Variants in PTPN21 observed in about 807,000 individuals in gnomAD.
PTPN21 encodes tyrosine-protein phosphatase non-receptor type 21.
Under a neutral mutation model 131.8 loss-of-function variants are expected in PTPN21, and 77 were observed. That is an observed-to-expected ratio of 0.58 (90% CI 0.49 to 0.71). The LOEUF is 0.71. Among genes scored for constraint, PTPN21 ranks in the 30% least tolerant of loss-of-function variants. The probability of loss-of-function intolerance (pLI) is 0.00; values close to 1 mark genes in which losing one functional copy is unlikely to be tolerated. For missense variants in PTPN21, 1,552 were observed against 1,527.1 expected (o/e 1.02, Z -0.27); for synonymous variants, 715 against 621.3 (o/e 1.15, Z -2.24).
chr14:88,550,080 G>A (rs1192893586), intron 2 of PTPN21, among the ~76,000 whole-genome samples, 158 bp downstream of exon 2: 9 of 151,582 alleles, frequency 5.9e-5, no homozygotes, highest in South Asian at 4.2e-4. Context: ...CACTGCGCCC[G>A]GCCTTGTATT....
intron 6 of PTPN21, among the ~76,000 whole-genome samples, chr14:88,503,497 A>AG (rs1281703800): frequency 1.3e-5 from 2 of 152,244 alleles, no homozygotes; most frequent in African/African-American, 4.8e-5. Flanking sequence ...AGTGGTACAA[A>AG]GGTGATACAA....
At chr14:88,516,654 T>G (rs1167322914) in intron 3 of PTPN21, among the ~76,000 whole-genome samples, 1 of 152,064 alleles carries the variant, frequency 6.6e-6, no homozygotes, top group Non-Finnish European at 1.5e-5. Flanking sequence ...TCCTCTGTAC[T>G]CCCTCCCCAA....
At chr14:88,482,333 T>G (rs2077663842) in intron 12 of PTPN21, among the ~76,000 whole-genome samples, 1 of 152,128 alleles carries the variant, frequency 6.6e-6, no homozygotes, top group South Asian at 2.1e-4. Flanking sequence ...AAAAGAATGA[T>G]CCTGCACACA....
At chr14:88,506,485 C>T (rs1004881481) in intron 4 of PTPN21, among the ~76,000 whole-genome samples, 6 of 152,070 alleles carry the variant, frequency 3.9e-5, no homozygotes, top group African/African-American at 1.2e-4. Context: ...GCTATGTTGC[C>T]CAGGCTGGTC....
chr14:88,517,212 C>T lies in PTPN21; in HGVS notation c.230G>A (p.Trp77Ter). 1.2e-6 allele frequency: 2 copies of T among 1,614,070 alleles called. No individual in the cohort carries two copies. Among genetic ancestry groups the T allele is most frequent in the Non-Finnish European group, 1.7e-6 (2 of 1,179,960 alleles). Residue 77 changes from tryptophan (W) to a stop codon, truncating the protein, a stop_gained, in exon 3 of 19, where the codon TGG becomes TAG. Coordinates refer to ENST00000556564, the MANE Select transcript of PTPN21 (RefSeq NM_007039.4). LOFTEE classifies it high-confidence loss of function. ...WYYNKQNQRR[W>*]VDLEKPLKKQ... is the part of the protein sequence containing the mutation. ...CTTCAAAGGTTTTTCCAAATCTACC[C>T]ACCGGCGCTGATTTTGCTTGTTGTA... is the stretch of plus-strand genomic sequence containing the variant.
At chr14:88,472,217 G>T in intron 15 of PTPN21, 27 bp downstream of exon 15, 1 of 1,303,400 alleles carries the variant, frequency 7.7e-7, no homozygotes, top group Non-Finnish European at 1.1e-6. Flanking sequence ...TGCATGTGCT[G>T]TTGATTACTT....
rs559934782 is a variant in PTPN21 at position 88,517,673 on chromosome 14, C to T, written c.181-412G>A. On this transcript the variant is annotated intron_variant, in intron 2 of 18. Coordinates refer to ENST00000556564, the MANE Select transcript of PTPN21 (RefSeq NM_007039.4). ...ATATGTATATATACACATACACACACATATGTATATATACATATGTGTGCG... is the reference window on the plus strand; with the variant it reads ...ATATGTATATATACACATACACACATATATGTATATATACATATGTGTGCG... Among the ~76,000 whole-genome samples the T allele has an allele frequency of 1.4e-3, 13 of 9,040 alleles. No individual in the cohort carries two copies. The East Asian group carries it at 0.019, about 13-fold the overall frequency. 5.9% of individuals were successfully genotyped at this position (9,040 alleles called of 152,430 possible).
chr14:88,500,942 G>T, intron 7 of PTPN21, 71 bp from the exon 8 acceptor site: 1 of 1,108,094 alleles, frequency 9.0e-7, no homozygotes, highest in Non-Finnish European at 1.4e-6. Flanking sequence ...GAGTTCCCTG[G>T]ACTGGTTTCC....
intron 2 of PTPN21, among the ~76,000 whole-genome samples, chr14:88,518,273 T>TATATATATATATACAC (rs763756368): frequency 1.9e-4 from 13 of 68,238 alleles, no homozygotes; most frequent in African/African-American, 8.7e-4. Flanking sequence ...TATATATATA[T>TATATATATATATACAC]ACACACACAC....
chr14:88,500,809 C>T lies in PTPN21; in HGVS notation c.738G>A (p.Lys246=). The T allele has an allele frequency of 6.2e-7, 1 of 1,613,572 alleles. No individual in the cohort carries two copies. The highest frequency in any genetic ancestry group is 8.5e-7 in the Non-Finnish European group (1 of 1,179,502). The change falls in exon 8 of 19, where the codon AAG becomes AAA. Residue 246 remains lysine, a synonymous_variant. Transcript: ENST00000556564. ...TAAATACCACAGGATGCCTTCCATTCTTGTGTTTCACAAAGATACCTTCAA... is the reference window on the plus strand; with the variant it reads ...TAAATACCACAGGATGCCTTCCATTTTTGTGTTTCACAAAGATACCTTCAA... The part of the protein sequence containing the change: ...ACLEGIFVKH[K]NGRHPVVFRW...
At position 88,469,182 on chromosome 14, in the gene PTPN21, G is replaced by C. The variant is rs1171661839; in HGVS notation, c.3236-106C>G. ...ACTGATTAAGAGGACTGCAGATAAA[G>C]AGCACTGGGTGCCAGTGAACCAAAC... On this transcript the variant is annotated intron_variant, in intron 17 of 18. Coordinates refer to ENST00000556564, the MANE Select transcript of PTPN21 (RefSeq NM_007039.4). This position sits in a 1 kb window ranked among gnomAD's most constrained non-coding sequence, Gnocchi z 4.3. 3 of 1,293,252 alleles carry C rather than the reference G, an allele frequency of 2.3e-6. No homozygotes were observed. The highest frequency in any genetic ancestry group is 3.2e-6 in the Non-Finnish European group (3 of 947,728). 80.1% of individuals were successfully genotyped at this position (1,293,252 alleles called of 1,614,324 possible).
chr14:88,517,222 G>C lies in PTPN21; in HGVS notation c.220C>G (p.Gln74Glu), dbSNP rs149513854. 6.2e-5 allele frequency: 100 copies of C among 1,614,006 alleles called. No homozygotes were observed. The highest frequency in any genetic ancestry group is 8.1e-5 in the Non-Finnish European group (96 of 1,179,994). The change falls in exon 3 of 19, where the codon CAG becomes GAG. Residue 74 changes from glutamine (Q) to glutamate (E), a missense_variant. Physicochemically the swap from Gln to Glu is conservative, Grantham distance 29 (BLOSUM62 2). Around this residue, in one of 4 missense-constraint regions of PTPN21, gnomAD observed 206 missense variants for 221.6 expected, o/e 0.93. Transcript: ENST00000556564. ...FSLWYYNKQNQRRWVDLEKPL... is the reference protein window; with the variant it reads ...FSLWYYNKQNERRWVDLEKPL... ...TTTTCCAAATCTACCCACCGGCGCT[G>C]ATTTTGCTTGTTGTAGTACCAGAGG...
In PTPN21 at chr14:88,467,840, T is replaced by TTG. The variant is rs1311096856; in HGVS notation, c.*295_*296dup. 6.4e-6 allele frequency: 2 copies of TTG among 312,542 alleles called. No individual in the cohort carries two copies. Among genetic ancestry groups the TTG allele is most frequent in the African/African-American group, 4.5e-5 (2 of 44,916 alleles). The allele number at this position is 312,542 out of a possible 1,614,324, so 19.4% of individuals were successfully genotyped here. A position where few individuals can be genotyped will look rare whatever the true frequency, so the allele number is the denominator to read the frequency against. The stretch of plus-strand genomic sequence containing the variant: ...AGCATAGCTTCAGTAAAATAGAGAA[T>TTG]TGTCTAGAAAATACAATCTCCAAAA... On this transcript the variant is annotated 3_prime_UTR_variant, in exon 19 of 19. Transcript: ENST00000556564.
At chr14:88,547,457 G>A (rs1595422702) in intron 2 of PTPN21, 2 of 261,590 alleles carry the variant, frequency 7.6e-6, no homozygotes, top group East Asian at 2.4e-4. Flanking sequence ...AGACCAGCCT[G>A]GGCGACATAG....
Position 88,467,896 on chromosome 14 carries a change from G to C in PTPN21, c.*241C>G. ...GCAAGTACTGCAAACCGGACAGACC[G>C]GGGCAGGGCAAGGCCCTTGAAACCA... On this transcript the variant is annotated 3_prime_UTR_variant, in exon 19 of 19. Coordinates refer to ENST00000556564, the MANE Select transcript of PTPN21 (RefSeq NM_007039.4). 7.0e-6 allele frequency: 4 copies of C among 569,508 alleles called. No homozygotes were observed. Among genetic ancestry groups the C allele is most frequent in the Non-Finnish European group, 1.2e-5 (4 of 323,326 alleles). The allele number at this position is 569,508 out of a possible 1,614,324, so 35.3% of individuals were successfully genotyped here. A position where few individuals can be genotyped will look rare whatever the true frequency, so the allele number is the denominator to read the frequency against.
chr14:88,476,735 T>C (rs1352306649), intron 13 of PTPN21, among the ~76,000 whole-genome samples: 1 of 152,196 alleles, frequency 6.6e-6, no homozygotes, highest in African/African-American at 2.4e-5. Context: ...TCTTAACTTG[T>C]AGGACCTTTG....
intron 10 of PTPN21, among the ~76,000 whole-genome samples, chr14:88,486,505 C>A (rs1347210779): frequency 6.6e-6 from 1 of 151,936 alleles, no homozygotes; most frequent in East Asian, 1.9e-4. Flanking sequence ...ATAGTGAGAC[C>A]CCATCTTTTA....
At chr14:88,470,358 A>G (rs61542857) in intron 15 of PTPN21, 109,513 of 308,568 alleles carry the variant, frequency 0.35, 20,740 homozygotes, top group African/African-American at 0.5. Context: ...TCATAGGGTC[A>G]TTGTGAGGAC....
chr14:88,521,789 T>C (rs1023572945), intron 2 of PTPN21, among the ~76,000 whole-genome samples: 2 of 152,084 alleles, frequency 1.3e-5, no homozygotes, highest in African/African-American at 4.8e-5. Flanking sequence ...TTAAATACAG[T>C]TGGACTGTAG....
Sources: gnomAD v4.1 joint callset for allele counts (sites outside exome capture counted in the v4.1 genomes callset) on GRCh38, gnomAD v4.1.1 for gene constraint, gnomAD v4.1.1 regional missense constraint, Gnocchi (gnomAD v3.1) non-coding constraint, MANE v1.5 for transcripts, NCBI Gene and HGNC (gene_info 2026-07-23, HGNC 2026-07-21) for gene names.